Variants in ZFHX3 observed in about 807,000 individuals in gnomAD.
ZFHX3 encodes zinc finger homeobox 3, also known as zinc finger homeobox protein 3.
A neutral mutation model predicts 279.1 loss-of-function variants in ZFHX3; 42 were observed. The ratio of observed to expected loss-of-function variants is 0.15; its 90% CI spans 0.12 to 0.19. ZFHX3 has a LOEUF of 0.19. ZFHX3 is among the 10% of genes least tolerant of loss of function. The pLI, the probability that ZFHX3 is intolerant of heterozygous loss-of-function variation, is 1.00. For missense variants in ZFHX3, 4,981 were observed against 4,754.0 expected (o/e 1.05, Z -1.40); for synonymous variants, 2,293 against 1,957.8 (o/e 1.17, Z -4.52).
At chr16:73,615,157 A>AG (rs1201701922) in intron 2 of ZFHX3, among the ~76,000 whole-genome samples, 1 of 152,042 alleles carries the variant, frequency 6.6e-6, no homozygotes, top group Non-Finnish European at 1.5e-5. Context: ...AAAAAAAAAA[A>AG]AAGCTTGACA....
chr16:73,650,280 CAGA>C (rs2052658114), intron 2 of ZFHX3, among the ~76,000 whole-genome samples: 2 of 150,184 alleles, frequency 1.3e-5, no homozygotes, highest in Admixed American at 6.6e-5. Flanking sequence ...TCAGAGAAAG[CAGA>C]AGAAGCCCAA....
intron 2 of ZFHX3, among the ~76,000 whole-genome samples, chr16:73,501,126 T>C (rs1031013386): frequency 6.6e-6 from 1 of 152,242 alleles, no homozygotes; most frequent in African/African-American, 2.4e-5. Flanking sequence ...TACCATTGTG[T>C]TATAAATGCC....
chr16:73,452,165 AT>A (rs2018290459), intron 3 of ZFHX3, among the ~76,000 whole-genome samples: 1 of 152,222 alleles, frequency 6.6e-6, no homozygotes. Flanking sequence ...TTTATGTAGA[AT>A]TAATGTGTCT....
chr16:73,276,347 T>A (rs1318155722), intron 4 of ZFHX3, among the ~76,000 whole-genome samples: 1 of 151,886 alleles, frequency 6.6e-6, no homozygotes, highest in East Asian at 1.9e-4. Flanking sequence ...CCAGACTGGC[T>A]AATTTTTGGT....
intron 1 of ZFHX3, among the ~76,000 whole-genome samples, chr16:73,733,521 A>G (rs1241658142): frequency 2.0e-5 from 3 of 152,198 alleles, no homozygotes; most frequent in Non-Finnish European, 2.9e-5. Context: ...GCTGATATAA[A>G]ATTAATTTTT....
At chr16:72,803,812 T>C (rs776381936) in intron 7 of ZFHX3, among the ~76,000 whole-genome samples, 1 of 152,212 alleles carries the variant, frequency 6.6e-6, no homozygotes, top group Non-Finnish European at 1.5e-5. Context: ...GTTTTTCTGG[T>C]TAAGAAAATT....
At chr16:73,327,820 A>C (rs1416790926) in intron 3 of ZFHX3, among the ~76,000 whole-genome samples, 1 of 152,196 alleles carries the variant, frequency 6.6e-6, no homozygotes, top group Non-Finnish European at 1.5e-5. Context: ...CACCGTAGAC[A>C]GTTTTGTTTC....
At chr16:72,965,569 A>G (rs1317797723) in intron 1 of ZFHX3, among the ~76,000 whole-genome samples, 3 of 152,248 alleles carry the variant, frequency 2.0e-5, no homozygotes, top group Admixed American at 6.5e-5. Context: ...ACTATGTGTC[A>G]GTCAGATGCT....
rs397766441 is a variant in ZFHX3 at position 73,557,094 on chromosome 16, CAAAAAAAAAAAAAAAAA to C, written c.-1546-100853_-1546-100837del. 2.3e-4 allele frequency among the ~76,000 whole-genome samples: 16 copies of C among 68,552 alleles called. 1 individual carries two copies. The highest frequency in any genetic ancestry group is 2.5e-5 in the Non-Finnish European group (1 of 40,434). 45.0% of individuals were successfully genotyped at this position (68,552 alleles called of 152,430 possible). A position where few individuals can be genotyped will look rare whatever the true frequency, so the allele number is the denominator to read the frequency against. On this transcript the variant is annotated intron_variant, in intron 2 of 17. Transcript: ENST00000641206. ...TGGGGGACAGAGCAAGACTCCGTCT[CAAAAAAAAAAAAAAAAA>C]AAAAAAAAAGGCCTCAGTGAGCTGA...
chr16:73,417,817 AAAAT>A (rs2017621375), intron 3 of ZFHX3, among the ~76,000 whole-genome samples: 1 of 151,194 alleles, frequency 6.6e-6, no homozygotes, highest in Non-Finnish European at 1.5e-5. Flanking sequence ...TAAAAAATAA[AAAAT>A]AAATAAAAAA....
chr16:73,177,102 C>T (rs1967682547), intron 5 of ZFHX3, among the ~76,000 whole-genome samples: 1 of 152,094 alleles, frequency 6.6e-6, no homozygotes, highest in Non-Finnish European at 1.5e-5. Context: ...CGATTAATTC[C>T]TAAAATTAAT....
At chr16:73,890,856 G>A (rs1044023637) in intron 1 of ZFHX3, among the ~76,000 whole-genome samples, 1 of 151,968 alleles carries the variant, frequency 6.6e-6, no homozygotes, top group Non-Finnish European at 1.5e-5. Context: ...TGTAATCATC[G>A]CAATCAGCAT....
intron 1 of ZFHX3, among the ~76,000 whole-genome samples, chr16:73,682,882 G>A (rs1245208055): frequency 2.2e-5 from 1 of 44,682 alleles, no homozygotes; most frequent in East Asian, 7.7e-4. Flanking sequence ...AAGAAAGAAA[G>A]AAAGAAAGAA....
chr16:72,974,419 ACT>A lies in ZFHX3; in HGVS notation c.-49-14227_-49-14226del, dbSNP rs1261408136. On this transcript the variant is annotated intron_variant, in intron 1 of 9. Transcript: ENST00000268489. ...TCCCACAGCAGTTATCTCCAAAATGACTCTGAAACAAGGAGTGTGTTTTCCTC... is the reference window on the plus strand; with the variant it reads ...TCCCACAGCAGTTATCTCCAAAATGACTGAAACAAGGAGTGTGTTTTCCTC... 2.6e-5 allele frequency among the ~76,000 whole-genome samples: 4 copies of A among 152,242 alleles called. No individual in the cohort carries two copies. In the East Asian group the frequency reaches 7.7e-4, roughly 29 times the overall value.
intron 4 of ZFHX3, among the ~76,000 whole-genome samples, chr16:72,837,161 G>T (rs373054560): frequency 6.6e-6 from 1 of 152,148 alleles, no homozygotes; most frequent in East Asian, 1.9e-4. Flanking sequence ...CTCCAGGGGC[G>T]CCATTGCCTT....
At chr16:72,790,338 T>C (rs959704293) in intron 9 of ZFHX3, 8 of 152,234 alleles carry the variant, frequency 5.3e-5, no homozygotes, top group African/African-American at 1.9e-4. Flanking sequence ...TGATGGTATA[T>C]ACATCTCTTC....
chr16:73,311,227 T>G (rs1211675985), intron 4 of ZFHX3, among the ~76,000 whole-genome samples: 1 of 150,704 alleles, frequency 6.6e-6, no homozygotes. Context: ...GAGAGAGACT[T>G]CGTCTCCCTC....
At chr16:73,839,420 C>A (rs1185465448) in intron 1 of ZFHX3, among the ~76,000 whole-genome samples, 2 of 139,194 alleles carry the variant, frequency 1.4e-5, no homozygotes, top group Non-Finnish European at 3.0e-5. Flanking sequence ...ATTTGGTATA[C>A]CTTTTCAGAA....
chr16:73,685,899 G>A (rs1274859565), intron 1 of ZFHX3, among the ~76,000 whole-genome samples: 2 of 152,198 alleles, frequency 1.3e-5, no homozygotes, highest in African/African-American at 4.8e-5. Context: ...AGAATAAAAT[G>A]TGGAATATCT....
Sources: gnomAD v4.1 joint callset for allele counts (sites outside exome capture counted in the v4.1 genomes callset) on GRCh38, gnomAD v4.1.1 for gene constraint, MANE v1.5 for transcripts, NCBI Gene and HGNC (gene_info 2026-07-23, HGNC 2026-07-21) for gene names.